GRID1: variants seen among roughly 807,000 people sequenced by gnomAD.
GRID1 encodes the protein glutamate receptor ionotropic, delta-1.
A neutral mutation model predicts 98.0 loss-of-function variants in GRID1; 28 were observed. That is an observed-to-expected ratio of 0.29 (90% confidence interval 0.21 to 0.39). The LOEUF is 0.39. Ranked by LOEUF, GRID1 falls within the 10% of genes least tolerant of loss-of-function variation. The pLI is 1.00. For missense variants in GRID1, 1,111 were observed against 1,340.5 expected (o/e 0.83, Z 2.67); for synonymous variants, 553 against 538.5 (o/e 1.03, Z -0.37).
In GRID1 at chr10:85,823,689, C is replaced by T. The variant is rs1415030903; in HGVS notation, c.1233+30807G>A. ...AATGAAAAAAAACTATATCTAAATACAGTAAGACTACTGAAAACTTTAAAA... is the reference window on the plus strand; with the variant it reads ...AATGAAAAAAAACTATATCTAAATATAGTAAGACTACTGAAAACTTTAAAA... On this transcript the variant is annotated intron_variant, in intron 8 of 15. Coordinates refer to ENST00000327946, the MANE Select transcript of GRID1 (RefSeq NM_017551.3). Among the ~76,000 whole-genome samples the T allele has an allele frequency of 4.0e-5, 6 of 151,862 alleles. No individual in the cohort carries two copies. The East Asian group carries it at 9.6e-4, about 24-fold the overall frequency.
At chr10:85,758,582 A>G (rs896265572) in intron 8 of GRID1, among the ~76,000 whole-genome samples, 2 of 152,218 alleles carry the variant, frequency 1.3e-5, no homozygotes, top group Admixed American at 6.5e-5. Flanking sequence ...GCCAGGGATC[A>G]TAAGCACTGT....
chr10:85,769,893 G>A (rs1051917444), intron 8 of GRID1, among the ~76,000 whole-genome samples: 2 of 152,210 alleles, frequency 1.3e-5, no homozygotes, highest in Non-Finnish European at 2.9e-5. Context: ...ACCTCTGGGG[G>A]CAGGGCACAG....
At chr10:86,068,405 G>A (rs912699476) in intron 4 of GRID1, among the ~76,000 whole-genome samples, 22 of 152,226 alleles carry the variant, frequency 1.4e-4, no homozygotes, top group African/African-American at 5.1e-4. Context: ...TCCCCCCACT[G>A]AGGAGTTCAA....
intron 4 of GRID1, among the ~76,000 whole-genome samples, chr10:86,074,866 C>T (rs2131924429): frequency 6.6e-6 from 1 of 152,154 alleles, no homozygotes; most frequent in South Asian, 2.1e-4. Context: ...GGATGAGTGT[C>T]GATGTATGAA....
intron 2 of GRID1, among the ~76,000 whole-genome samples, chr10:86,254,046 T>C (rs570342143): frequency 6.6e-6 from 1 of 152,172 alleles, no homozygotes; most frequent in Admixed American, 6.5e-5. Context: ...CCCCTTCCCT[T>C]GCCACCCAGA....
chr10:86,017,586 A>G (rs577121247), intron 4 of GRID1, among the ~76,000 whole-genome samples: 1 of 152,202 alleles, frequency 6.6e-6, no homozygotes, highest in Non-Finnish European at 1.5e-5. Flanking sequence ...GTTCAATGTC[A>G]TAGCCCATTT....
At chr10:86,238,527 GGGCATGGT>G (rs1365762903) in intron 2 of GRID1, among the ~76,000 whole-genome samples, 3 of 152,106 alleles carry the variant, frequency 2.0e-5, no homozygotes, top group Non-Finnish European at 4.4e-5. Context: ...AAAATTAGCT[GGGCATGGT>G]GGCACATGCC....
chr10:86,151,806 C>T (rs1347672329), intron 3 of GRID1, among the ~76,000 whole-genome samples: 3 of 152,194 alleles, frequency 2.0e-5, no homozygotes, highest in Admixed American at 1.3e-4. Flanking sequence ...AGCAGTGTCT[C>T]GGGATCTGCG....
rs777631027 is a variant in GRID1, at chr10:85,602,427, G to A, written c.2876C>T (p.Ala959Val). The A allele has an allele frequency of 3.7e-6, 6 of 1,613,978 alleles. No individual in the cohort carries two copies. Among genetic ancestry groups the A allele is most frequent in the Admixed American group, 1.7e-5 (1 of 60,008 alleles). ...TTTGCACTGCATGGAGGGCATGGTC[G>A]CCGAGCTGCTCAGCGGCAGCGGCAG... ...SNLPLPLSSS[A>V]TMPSMQCKHR... Residue 959 changes from alanine to valine, a missense_variant, in exon 16 of 16, where the codon GCG becomes GTG. Ala to Val is a moderately conservative substitution (Grantham distance 64). Around this residue, in one of 3 missense-constraint regions of GRID1, gnomAD observed 762 missense variants for 869.1 expected, o/e 0.88. Coordinates refer to ENST00000327946, the MANE Select transcript of GRID1 (RefSeq NM_017551.3).
rs1466150102 is a variant in GRID1 at position 86,177,237 on chromosome 10, G to A, written c.520+29127C>T. 1.3e-5 allele frequency among the ~76,000 whole-genome samples: 2 copies of A among 152,228 alleles called. 1 individual carries two copies. The highest frequency in any genetic ancestry group is 4.1e-4 in the South Asian group (2 of 4,820). ...AACTTACTTGCCTTTAACACTCAGC[G>A]AAAAGGGTTATTTAGACCAATTACA... On this transcript the variant is annotated intron_variant, in intron 3 of 15. Coordinates refer to ENST00000327946, the MANE Select transcript of GRID1 (RefSeq NM_017551.3).
intron 3 of GRID1, among the ~76,000 whole-genome samples, chr10:86,150,201 G>A (rs1845144439): frequency 6.6e-6 from 1 of 152,206 alleles, no homozygotes; most frequent in Admixed American, 6.5e-5. Flanking sequence ...CTCGGGGCAG[G>A]AGCAAGACCC....
chr10:86,046,810 T>C (rs1843430548), intron 4 of GRID1, among the ~76,000 whole-genome samples: 1 of 150,052 alleles, frequency 6.7e-6, no homozygotes, highest in African/African-American at 2.5e-5. Flanking sequence ...TCTTTACATC[T>C]GTAAGTGCTT....
At chr10:85,696,756 C>A (rs1291035118) in intron 12 of GRID1, among the ~76,000 whole-genome samples, 1 of 151,862 alleles carries the variant, frequency 6.6e-6, no homozygotes. Context: ...AAGCAAAACT[C>A]TTTTTTTGTT....
intron 12 of GRID1, among the ~76,000 whole-genome samples, chr10:85,717,881 G>A (rs925969484): frequency 1.3e-5 from 2 of 152,016 alleles, no homozygotes; most frequent in African/African-American, 4.8e-5. Context: ...CAACAAAGGG[G>A]TTACAGGGCC....
Position 86,147,673 on chromosome 10 carries a change from C to A in GRID1, c.521-8649G>T, listed in dbSNP as rs577014620. On this transcript the variant is annotated intron_variant, in intron 3 of 15. Coordinates refer to ENST00000327946, the MANE Select transcript of GRID1 (RefSeq NM_017551.3). ...CTAAAACTGGACACCTTCCTTATAT[C>A]TTTTACCTTTTGATGCTTTGACATC... Among the ~76,000 whole-genome samples the A allele has an allele frequency of 1.5e-4, 23 of 152,308 alleles. No individual in the cohort carries two copies. In the East Asian group the frequency reaches 4.4e-3, roughly 29 times the overall value.
chr10:85,771,307 G>C (rs1842264198), intron 8 of GRID1, among the ~76,000 whole-genome samples: 1 of 152,142 alleles, frequency 6.6e-6, no homozygotes, highest in African/African-American at 2.4e-5. Context: ...TGCCCTGAAA[G>C]AGCTCCTGAA....
At chr10:85,819,683 G>A (rs1490788553) in intron 8 of GRID1, among the ~76,000 whole-genome samples, 2 of 152,206 alleles carry the variant, frequency 1.3e-5, no homozygotes, top group African/African-American at 4.8e-5. Flanking sequence ...GGAGGCAGAG[G>A]CAGGCGGATC....
intron 4 of GRID1, among the ~76,000 whole-genome samples, chr10:86,109,922 A>AAGGGCCT (rs1320966408): frequency 6.6e-6 from 1 of 151,866 alleles, no homozygotes; most frequent in Non-Finnish European, 1.5e-5. Context: ...AATGCATGTC[A>AAGGGCCT]AGGGCCTAGC....
intron 12 of GRID1, among the ~76,000 whole-genome samples, chr10:85,699,140 C>A (rs770864324): frequency 6.6e-6 from 1 of 152,030 alleles, no homozygotes; most frequent in Non-Finnish European, 1.5e-5. Flanking sequence ...GCAACCTCCG[C>A]CTCCCAGGTT....
Sources: gnomAD v4.1 joint callset for allele counts (sites outside exome capture counted in the v4.1 genomes callset) on GRCh38, gnomAD v4.1.1 for gene constraint, gnomAD v4.1.1 regional missense constraint, MANE v1.5 for transcripts, NCBI Gene and HGNC (gene_info 2026-07-23, HGNC 2026-07-21) for gene names.